The following HEATR5A variants were observed in gnomAD, a reference collection of about 807,000 sequenced individuals.
The protein encoded by HEATR5A is HEAT repeat-containing protein 5A.
Under a neutral mutation model 218.8 loss-of-function variants are expected in HEATR5A, and 178 were observed. That is an observed-to-expected ratio of 0.81 (90% CI 0.72 to 0.92). The LOEUF is 0.92. Ranked by LOEUF, HEATR5A falls within the 40% of genes least tolerant of loss-of-function variation. The probability of loss-of-function intolerance (pLI) is 0.00; values close to 1 mark genes in which losing one functional copy is unlikely to be tolerated. For synonymous variants in HEATR5A, 864 were observed against 871.6 expected (o/e 0.99, Z 0.15); for missense variants, 2,420 against 2,418.9 (o/e 1.00, Z -0.01).
intron 11 of HEATR5A, among the ~76,000 whole-genome samples, chr14:31,377,008 C>A (rs1902252386): frequency 6.6e-6 from 1 of 151,810 alleles, no homozygotes; most frequent in Admixed American, 6.6e-5. Context: ...ACCTATAGTC[C>A]TAGCTACTCA....
At chr14:31,375,032 T>G in intron 11 of HEATR5A, 64 bp from the exon 12 acceptor site, 1 of 1,326,592 alleles carries the variant, frequency 7.5e-7, no homozygotes, top group South Asian at 1.4e-5. Context: ...AAAACTCTAT[T>G]ATTAAGCAGC....
At position 31,394,099 on chromosome 14, in the gene HEATR5A, A is replaced by G; in HGVS notation, c.725T>C (p.Leu242Pro). ...TACAGCTTTAGCTAATATTATGCCTAGTAACTTTGAAACAGAAATCCGCAC... is the reference window on the plus strand; with the variant it reads ...TACAGCTTTAGCTAATATTATGCCTGGTAACTTTGAAACAGAAATCCGCAC... ...YDVRISVSKLLGIILAKAVIS... is the reference protein window; with the variant it reads ...YDVRISVSKLPGIILAKAVIS... The change falls in exon 6 of 36, where the codon CTA becomes CCA. Residue 242 changes from leucine (L) to proline (P), a missense_variant. Physicochemically the swap from Leu to Pro is moderately conservative, Grantham distance 98. Coordinates refer to ENST00000543095, the MANE Select transcript of HEATR5A (RefSeq NM_015473.4). 2 of 1,534,838 alleles carry G rather than the reference A, an allele frequency of 1.3e-6. No individual in the cohort carries two copies. Among genetic ancestry groups the G allele is most frequent in the Non-Finnish European group, 1.7e-6 (2 of 1,145,802 alleles).
intron 2 of HEATR5A, among the ~76,000 whole-genome samples, chr14:31,402,476 T>A (rs1329138733): frequency 6.6e-6 from 1 of 152,210 alleles, no homozygotes; most frequent in African/African-American, 2.4e-5. Context: ...TCATACCTTT[T>A]TAAAGTGAAA....
At chr14:31,373,628 G>A (rs1231977033) in intron 12 of HEATR5A, among the ~76,000 whole-genome samples, 2 of 152,090 alleles carry the variant, frequency 1.3e-5, no homozygotes, top group African/African-American at 4.8e-5. Context: ...ACAGCACCTG[G>A]CTGAAACATT....
At chr14:31,405,313 G>A (rs556292508) in intron 1 of HEATR5A, among the ~76,000 whole-genome samples, 48 of 152,064 alleles carry the variant, frequency 3.2e-4, no homozygotes, top group Middle Eastern at 3.4e-3. Flanking sequence ...GTGCACCTGC[G>A]GTCCCAGCTG....
intron 18 of HEATR5A, among the ~76,000 whole-genome samples, chr14:31,349,282 C>A (rs910197071): frequency 6.6e-6 from 1 of 151,806 alleles, no homozygotes; most frequent in South Asian, 2.1e-4. Flanking sequence ...CAGCTACTCG[C>A]GAGGCTGAGG....
At chr14:31,368,540 C>CT (rs1007352556) in intron 13 of HEATR5A, among the ~76,000 whole-genome samples, 4 of 151,090 alleles carry the variant, frequency 2.6e-5, no homozygotes, top group East Asian at 3.9e-4. Flanking sequence ...AGGAAGACTT[C>CT]TTTTTTTTTG....
At chr14:31,295,843 C>T (rs1175255558) in intron 34 of HEATR5A, 66 bp downstream of exon 34, 10 of 1,355,450 alleles carry the variant, frequency 7.4e-6, no homozygotes, top group Non-Finnish European at 1.0e-5. Flanking sequence ...CAAAATCACA[C>T]AGAAAATTTT....
At chr14:31,391,041 T>TGC (rs2030433052) in intron 6 of HEATR5A, among the ~76,000 whole-genome samples, 1 of 151,756 alleles carries the variant, frequency 6.6e-6, no homozygotes, top group African/African-American at 2.4e-5. Context: ...CCTGGGCTAA[T>TGC]GTGTGTGTTT....
intron 28 of HEATR5A, among the ~76,000 whole-genome samples, chr14:31,310,639 CAAAT>C (rs1188567014): frequency 2.0e-5 from 3 of 151,740 alleles, no homozygotes; most frequent in East Asian, 1.9e-4. Flanking sequence ...GACTCCACCT[CAAAT>C]AAATAAATAA....
At chr14:31,386,849 A>G (rs2030245219) in intron 8 of HEATR5A, among the ~76,000 whole-genome samples, 1 of 152,222 alleles carries the variant, frequency 6.6e-6, no homozygotes, top group African/African-American at 2.4e-5. Context: ...ATGGGAAACT[A>G]AAAATGATTT....
At chr14:31,389,894 G>A (rs566399031) in intron 6 of HEATR5A, among the ~76,000 whole-genome samples, 5 of 152,146 alleles carry the variant, frequency 3.3e-5, no homozygotes, top group East Asian at 3.9e-4. Context: ...AGCAATAAAC[G>A]TAATAAATGA....
chr14:31,387,706 C>A (rs914093505), intron 7 of HEATR5A, among the ~76,000 whole-genome samples: 1 of 152,072 alleles, frequency 6.6e-6, no homozygotes, highest in Admixed American at 6.6e-5. Context: ...ACTACAGGGG[C>A]CCGCCACCAA....
intron 2 of HEATR5A, among the ~76,000 whole-genome samples, chr14:31,402,121 A>G (rs1252544643): frequency 3.3e-5 from 5 of 152,224 alleles, no homozygotes; most frequent in Non-Finnish European, 5.9e-5. Context: ...TTGTCTCAGA[A>G]CAAGAATGTG....
chr14:31,395,090 G>T, intron 5 of HEATR5A, 109 bp downstream of exon 5: 1 of 655,602 alleles, frequency 1.5e-6, no homozygotes, highest in Non-Finnish European at 2.4e-6. Flanking sequence ...AAATGAGATA[G>T]TCCTAGCTGA....
chr14:31,320,728 T>C lies in HEATR5A; in HGVS notation c.3969+771A>G, dbSNP rs151043264. On this transcript the variant is annotated intron_variant, in intron 25 of 35. Transcript: ENST00000543095. ...TAAAGTTACAAAACACTTGTTTTTTTATTTTTGTTTTCTTTAACAGGGCCA... is the reference window on the plus strand; with the variant it reads ...TAAAGTTACAAAACACTTGTTTTTTCATTTTTGTTTTCTTTAACAGGGCCA... 3.5e-3 allele frequency: 1,268 copies of C among 362,412 alleles called. 14 individuals carry two copies. Among genetic ancestry groups the C allele is most frequent in the African/African-American group, 0.026 (1,203 of 46,516 alleles). The allele number at this position is 362,412 out of a possible 1,614,324, so 22.4% of individuals were successfully genotyped here.
At chr14:31,376,335 C>T (rs904330156) in intron 11 of HEATR5A, among the ~76,000 whole-genome samples, 14 of 152,032 alleles carry the variant, frequency 9.2e-5, no homozygotes, top group African/African-American at 3.4e-4. Flanking sequence ...GGTCAACACA[C>T]CGAAATCTTT....
intron 14 of HEATR5A, among the ~76,000 whole-genome samples, chr14:31,363,849 G>A (rs190289712): frequency 1.2e-3 from 183 of 152,158 alleles, no homozygotes; most frequent in Non-Finnish European, 2.0e-3. Flanking sequence ...GAGCGTGGTG[G>A]TGTGCCTGTA....
chr14:31,334,242 A>G, intron 22 of HEATR5A: 1 of 336,756 alleles, frequency 3.0e-6, no homozygotes, highest in Non-Finnish European at 6.0e-6. Flanking sequence ...AAGGAGATAA[A>G]TGTTGTTTTC....
Sources: allele counts gnomAD v4.1 joint callset (sites outside exome capture counted in the v4.1 genomes callset), GRCh38; gene constraint gnomAD v4.1.1; transcripts MANE v1.5; gene names NCBI Gene and HGNC (gene_info 2026-07-23, HGNC 2026-07-21).